The following SLC6A6 variants were observed in gnomAD, a reference collection of about 807,000 sequenced individuals.
SLC6A6 encodes sodium- and chloride-dependent taurine transporter.
Under a neutral mutation model 68.8 loss-of-function variants are expected in SLC6A6, and 16 were observed. The ratio of observed to expected loss-of-function variants is 0.23; its 90% CI spans 0.16 to 0.35. SLC6A6 has a LOEUF of 0.35. Ranked by LOEUF, SLC6A6 falls within the 10% of genes least tolerant of loss-of-function variation. The pLI, the probability that SLC6A6 is intolerant of heterozygous loss-of-function variation, is 1.00. For synonymous variants in SLC6A6, 312 were observed against 315.4 expected (o/e 0.99, Z 0.12); for missense variants, 474 against 802.8 (o/e 0.59, Z 4.95).
In SLC6A6 at chr3:14,472,167, C is replaced by T; in HGVS notation, c.1097-38C>T. ...CCCAGTGGCTTGGTGGCTGATGTCT[C>T]CTCCCCTGTGCCCCTCCCCGTTTTC... On this transcript the variant is annotated intron_variant, in intron 9 of 14. Transcript: ENST00000622186. The surrounding 1 kb of genome is among the most constrained non-coding windows in gnomAD (Gnocchi z 4.5). The T allele has an allele frequency of 1.5e-6, 2 of 1,298,850 alleles. No homozygotes were observed. The highest frequency in any genetic ancestry group is 2.2e-6 in the Non-Finnish European group (2 of 893,800). The allele number at this position is 1,298,850 out of a possible 1,614,324, so 80.5% of individuals were successfully genotyped here. A position where few individuals can be genotyped will look rare whatever the true frequency, so the allele number is the denominator to read the frequency against.
intron 2 of SLC6A6, among the ~76,000 whole-genome samples, chr3:14,425,414 C>T (rs1464089547): frequency 6.6e-6 from 1 of 151,952 alleles, no homozygotes; most frequent in African/African-American, 2.4e-5. Flanking sequence ...GGGAGGGCCC[C>T]TCCTCTCCAC....
At chr3:14,463,778 C>T (rs1281196441) in intron 6 of SLC6A6, among the ~76,000 whole-genome samples, 9 of 152,152 alleles carry the variant, frequency 5.9e-5, no homozygotes, top group South Asian at 2.1e-4. Context: ...GAAGAGATGA[C>T]GGTGGCTGGA....
At chr3:14,421,942 G>GAC (rs1699494435) in intron 2 of SLC6A6, among the ~76,000 whole-genome samples, 1 of 152,190 alleles carries the variant, frequency 6.6e-6, no homozygotes, top group South Asian at 2.1e-4. Context: ...TGTCTTGGGT[G>GAC]CATCTTCTCG....
At chr3:14,476,156 C>T (rs1700874089) in intron 10 of SLC6A6, among the ~76,000 whole-genome samples, 1 of 152,146 alleles carries the variant, frequency 6.6e-6, no homozygotes, top group Non-Finnish European at 1.5e-5. Context: ...TGGGTGTAGC[C>T]ATCCAAATTT....
intron 13 of SLC6A6, among the ~76,000 whole-genome samples, chr3:14,479,562 T>A (rs147595430): frequency 6.4e-4 from 97 of 151,854 alleles, no homozygotes; most frequent in Non-Finnish European, 1.1e-3. Flanking sequence ...TTTGGGTCAC[T>A]GGGGAAGTAG....
Position 14,472,705 on chromosome 3 carries a change from G to A in SLC6A6, c.1209+388G>A, listed in dbSNP as rs1051192875. On this transcript the variant is annotated intron_variant, in intron 10 of 14. Transcript: ENST00000622186. This position sits in a 1 kb window ranked among gnomAD's most constrained non-coding sequence, Gnocchi z 4.5. ...AAGTCATGATGTGCTCCAGTGGAGC[G>A]TCGGCGGGGCACAGGAGGACATGGC... Among the ~76,000 whole-genome samples, 2 of 152,176 alleles carry A rather than the reference G, an allele frequency of 1.3e-5. No homozygotes were observed. Among genetic ancestry groups the A allele is most frequent in the African/African-American group, 2.4e-5 (1 of 41,440 alleles).
At chr3:14,441,028 A>G (rs558665180) in intron 2 of SLC6A6, among the ~76,000 whole-genome samples, 15 of 152,290 alleles carry the variant, frequency 9.8e-5, no homozygotes. Context: ...ATCAGAGCCT[A>G]GAGCAAAGGG....
chr3:14,468,023 G>A lies in SLC6A6; in HGVS notation c.972-65G>A. The A allele has an allele frequency of 6.2e-7, 1 of 1,612,170 alleles. No homozygotes were observed. Among genetic ancestry groups the A allele is most frequent in the South Asian group, 1.1e-5 (1 of 90,994 alleles). ...TGATGATGATGTTTAAAGAAAAAGAGAAGTAGGGAGCGTGGCTTCCTTGTG... is the reference window on the plus strand; with the variant it reads ...TGATGATGATGTTTAAAGAAAAAGAAAAGTAGGGAGCGTGGCTTCCTTGTG... On this transcript the variant is annotated intron_variant, in intron 8 of 14. Coordinates refer to ENST00000622186, the MANE Select transcript of SLC6A6 (RefSeq NM_003043.6). The surrounding 1 kb of genome is among the most constrained non-coding windows in gnomAD (Gnocchi z 4.5).
chr3:14,469,047 G>C (rs1034882372), intron 9 of SLC6A6, among the ~76,000 whole-genome samples: 2 of 152,104 alleles, frequency 1.3e-5, no homozygotes, highest in Non-Finnish European at 2.9e-5. Context: ...ATGGCTGCTT[G>C]AGGTCCTGGG....
At chr3:14,473,136 A>G (rs571560431) in intron 10 of SLC6A6, among the ~76,000 whole-genome samples, 1 of 152,348 alleles carries the variant, frequency 6.6e-6, no homozygotes, top group African/African-American at 2.4e-5. Flanking sequence ...AGTGTGGGGT[A>G]GTCAGCAGTG....
chr3:14,416,515 TG>T (rs148570473), intron 2 of SLC6A6, 62 bp downstream of exon 2: 474 of 398,464 alleles, frequency 1.2e-3, no homozygotes, highest in Non-Finnish European at 1.7e-3. Flanking sequence ...TGACCCAAGG[TG>T]GGGGGCTCAG....
At chr3:14,419,982 A>G (rs1043954412) in intron 2 of SLC6A6, among the ~76,000 whole-genome samples, 11 of 152,206 alleles carry the variant, frequency 7.2e-5, no homozygotes, top group Admixed American at 2.0e-4. Flanking sequence ...AAACTGGTGC[A>G]TATAGGAGTG....
chr3:14,417,974 G>A (rs929432835), intron 2 of SLC6A6, among the ~76,000 whole-genome samples: 1 of 152,170 alleles, frequency 6.6e-6, no homozygotes, highest in Admixed American at 6.5e-5. Flanking sequence ...TGCTCTAGGG[G>A]CTTTCAGAGT....
chr3:14,461,994 A>G (rs1700506214), intron 6 of SLC6A6, among the ~76,000 whole-genome samples: 1 of 152,166 alleles, frequency 6.6e-6, no homozygotes, highest in African/African-American at 2.4e-5. Flanking sequence ...TGTCCTTGTG[A>G]GTTTCCTGGA....
intron 9 of SLC6A6, among the ~76,000 whole-genome samples, chr3:14,471,518 C>A (rs969080545): frequency 5.3e-5 from 8 of 152,118 alleles, no homozygotes; most frequent in African/African-American, 1.7e-4. Flanking sequence ...TGGGGTGATT[C>A]AAAAAGGAAA....
Position 14,477,141 on chromosome 3 carries a change from G to A in SLC6A6, c.1210-64G>A, listed in dbSNP as rs181163450. 27 of 1,519,680 alleles carry A rather than the reference G, an allele frequency of 1.8e-5. No individual in the cohort carries two copies. The East Asian group carries it at 4.1e-4, about 23-fold the overall frequency. 94.1% of individuals were successfully genotyped at this position (1,519,680 alleles called of 1,614,324 possible). A position where few individuals can be genotyped will look rare whatever the true frequency, so the allele number is the denominator to read the frequency against. ...TGTGTGTTCCTGGGCCCTTCCCTCC[G>A]AGCAGCAGGCAAGGGTGGCCTGAGC... On this transcript the variant is annotated intron_variant, in intron 10 of 14. Coordinates refer to ENST00000622186, the MANE Select transcript of SLC6A6 (RefSeq NM_003043.6). This position sits in a 1 kb window ranked among gnomAD's most constrained non-coding sequence, Gnocchi z 4.2.
chr3:14,455,027 G>T (rs549010310), intron 5 of SLC6A6, among the ~76,000 whole-genome samples: 15 of 152,304 alleles, frequency 9.8e-5, no homozygotes, highest in African/African-American at 3.6e-4. Flanking sequence ...AGCTCCTCTT[G>T]ATGGACATTT....
rs1267660172 is a variant in SLC6A6, at chr3:14,481,193, G to A, written c.1552-478G>A. Among the ~76,000 whole-genome samples, 1 of 152,206 alleles carries A rather than the reference G, an allele frequency of 6.6e-6. No homozygotes were observed. Among genetic ancestry groups the A allele is most frequent in the African/African-American group, 2.4e-5 (1 of 41,434 alleles). ...AACCACTCGCTTTCTGGAAGGAGAG[G>A]TATGGGTGGTGCCTGGGCAAGTAAG... is the stretch of plus-strand genomic sequence containing the variant. On this transcript the variant is annotated intron_variant, in intron 13 of 14. Coordinates refer to ENST00000622186, the MANE Select transcript of SLC6A6 (RefSeq NM_003043.6). The surrounding 1 kb of genome is among the most constrained non-coding windows in gnomAD (Gnocchi z 4.7).
At chr3:14,449,441 C>T (rs1345926568) in intron 5 of SLC6A6, among the ~76,000 whole-genome samples, 2 of 152,358 alleles carry the variant, frequency 1.3e-5, no homozygotes, top group East Asian at 3.9e-4. Context: ...CAAGGCACAG[C>T]CTTGTCCTTT....
Sources: gnomAD v4.1 joint callset for allele counts (sites outside exome capture counted in the v4.1 genomes callset) on GRCh38, gnomAD v4.1.1 for gene constraint, Gnocchi (gnomAD v3.1) non-coding constraint, MANE v1.5 for transcripts, NCBI Gene and HGNC (gene_info 2026-07-23, HGNC 2026-07-21) for gene names.